Variants in GRIN2A observed in about 807,000 individuals in gnomAD.
The protein encoded by GRIN2A is glutamate ionotropic receptor NMDA type subunit 2A.
In GRIN2A, 22 loss-of-function variants were observed where a neutral mutation model predicts 113.4. That is an observed-to-expected ratio of 0.19 (90% CI 0.14 to 0.28). GRIN2A has a LOEUF of 0.28. Ranked by LOEUF, GRIN2A falls within the 10% of genes least tolerant of loss-of-function variation. GRIN2A has a pLI of 1.00. For missense variants in GRIN2A, 1,502 were observed against 1,887.0 expected, an observed-to-expected ratio of 0.80 and a Z score of 3.78; for synonymous variants, 827 against 738.4, an observed-to-expected ratio of 1.12 and a Z score of -1.94.
At chr16:9,980,860 G>T in intron 2 of GRIN2A, among the ~76,000 whole-genome samples, 1 of 110,434 alleles carries the variant, frequency 9.1e-6, no homozygotes, top group Non-Finnish European at 1.8e-5. Context: ...AGGGGGGAGG[G>T]ACAGCATTAG....
At chr16:10,121,843 C>T (rs1172392611) in intron 2 of GRIN2A, among the ~76,000 whole-genome samples, 1 of 152,042 alleles carries the variant, frequency 6.6e-6, no homozygotes, top group Non-Finnish European at 1.5e-5. Context: ...TAGCACTGGC[C>T]TTGGCTAATT....
chr16:9,821,603 C>G (rs1175234832), intron 10 of GRIN2A, among the ~76,000 whole-genome samples: 1 of 152,180 alleles, frequency 6.6e-6, no homozygotes, highest in Non-Finnish European at 1.5e-5. Context: ...ATCAGATTTT[C>G]TCTCTTAGGT....
Position 9,764,582 on chromosome 16 carries a change from G to A in GRIN2A, c.2962C>T (p.Leu988Phe), listed in dbSNP as rs2141135688. The change falls in exon 13 of 13, where the codon CTC (leucine) becomes TTC (phenylalanine). Residue 988 changes from leucine to phenylalanine, a missense_variant. Transcript: ENST00000330684. ...YVFQGQHPLT[L>F]NESNPNTVEV... ...ACCGTGTTAGGGTTGGACTCATTGAGAGTAAGAGGATGTTGTCCCTGGAAT... is the reference window on the plus strand; with the variant it reads ...ACCGTGTTAGGGTTGGACTCATTGAAAGTAAGAGGATGTTGTCCCTGGAAT... 1 of 1,614,016 alleles carries A rather than the reference G, an allele frequency of 6.2e-7. No individual in the cohort carries two copies. Among genetic ancestry groups the A allele is most frequent in the East Asian group, 2.2e-5 (1 of 44,884 alleles).
intron 3 of GRIN2A, among the ~76,000 whole-genome samples, chr16:9,922,095 C>T (rs145602060): frequency 2.6e-5 from 4 of 151,914 alleles, no homozygotes; most frequent in South Asian, 2.1e-4. Context: ...ACTCATTTGC[C>T]GTCTAATCTT....
At chr16:10,038,680 AT>A (rs1458407240) in intron 2 of GRIN2A, among the ~76,000 whole-genome samples, 1 of 144,422 alleles carries the variant, frequency 6.9e-6, no homozygotes, top group Non-Finnish European at 1.5e-5. Context: ...TGTCTCTACT[AT>A]AAAAAACACA....
chr16:10,100,308 T>G (rs1406075251), intron 2 of GRIN2A, among the ~76,000 whole-genome samples: 3 of 152,086 alleles, frequency 2.0e-5, no homozygotes, highest in Non-Finnish European at 4.4e-5. Context: ...CTGGCTTCAG[T>G]AGAGAGGATA....
At chr16:10,048,928 G>A (rs1009756112) in intron 2 of GRIN2A, among the ~76,000 whole-genome samples, 1 of 152,192 alleles carries the variant, frequency 6.6e-6, no homozygotes, top group African/African-American at 2.4e-5. Context: ...CTGACGTGGA[G>A]GAAGGAGCCG....
intron 2 of GRIN2A, among the ~76,000 whole-genome samples, chr16:10,039,719 GC>G (rs1173720908): frequency 1.4e-5 from 2 of 145,956 alleles, no homozygotes; most frequent in African/African-American, 2.5e-5. Context: ...CTGGGCAGAA[GC>G]CCCCTCCCTC....
chr16:9,824,592 T>A (rs1284461795), intron 9 of GRIN2A, among the ~76,000 whole-genome samples: 1 of 152,206 alleles, frequency 6.6e-6, no homozygotes, highest in South Asian at 2.1e-4. Flanking sequence ...TTCTCTGGCC[T>A]GGATAGTACC....
At chr16:10,040,572 TCA>T (rs112132209) in intron 2 of GRIN2A, among the ~76,000 whole-genome samples, 93,073 of 149,870 alleles carry the variant, frequency 0.62, 29,104 homozygotes, top group East Asian at 0.94. Context: ...ACCCACATAT[TCA>T]CACACACACA....
intron 2 of GRIN2A, among the ~76,000 whole-genome samples, chr16:10,173,280 G>A (rs770880732): frequency 6.6e-6 from 1 of 152,198 alleles, no homozygotes; most frequent in African/African-American, 2.4e-5. Flanking sequence ...CTTTTCGAGA[G>A]CTCTCAGTGT....
At chr16:10,118,426 C>G (rs2142171247) in intron 2 of GRIN2A, among the ~76,000 whole-genome samples, 1 of 152,228 alleles carries the variant, frequency 6.6e-6, no homozygotes, top group Middle Eastern at 3.4e-3. Flanking sequence ...GTGGGTACAG[C>G]TCTACAAGCA....
intron 2 of GRIN2A, among the ~76,000 whole-genome samples, chr16:10,127,705 A>T (rs1279026581): frequency 6.6e-6 from 1 of 152,228 alleles, no homozygotes; most frequent in Non-Finnish European, 1.5e-5. Context: ...TATTTGTGGA[A>T]TTGATGGATG....
chr16:10,101,383 C>T (rs1250969225), intron 2 of GRIN2A, among the ~76,000 whole-genome samples: 5 of 152,180 alleles, frequency 3.3e-5, no homozygotes, highest in African/African-American at 1.2e-4. Context: ...GAAGCGTATA[C>T]AAGAACCAGG....
At chr16:9,813,903 G>A (rs1596454978) in intron 10 of GRIN2A, among the ~76,000 whole-genome samples, 2 of 152,214 alleles carry the variant, frequency 1.3e-5, no homozygotes, top group East Asian at 1.9e-4. Context: ...GTCTATGCCC[G>A]CTTTCGAATT....
intron 2 of GRIN2A, among the ~76,000 whole-genome samples, chr16:10,086,588 AG>A (rs2048088961): frequency 1.5e-5 from 2 of 131,604 alleles, no homozygotes; most frequent in African/African-American, 2.8e-5. Context: ...GCACCATACC[AG>A]GGGGTGGAGC....
In GRIN2A at chr16:9,994,855, T is replaced by C. The variant is rs149692651; in HGVS notation, c.415-56304A>G. On this transcript the variant is annotated intron_variant, in intron 2 of 12. Transcript: ENST00000330684. ...TATGGTAATTAGAGGTATTCCTGGC[T>C]GGGATCTTGATGATGGTGAATAAGC... Among the ~76,000 whole-genome samples, 224 of 152,324 alleles carry C rather than the reference T, an allele frequency of 1.5e-3. 3 individuals carry two copies. Among genetic ancestry groups the C allele is most frequent in the African/African-American group, 5.3e-3 (219 of 41,576 alleles).
At chr16:9,788,293 G>C in intron 11 of GRIN2A, among the ~76,000 whole-genome samples, 1 of 150,014 alleles carries the variant, frequency 6.7e-6, no homozygotes, top group Non-Finnish European at 1.5e-5. Flanking sequence ...GTCTTGCTCT[G>C]TTGCCCAGGC....
chr16:10,058,801 T>C (rs1419172050), intron 2 of GRIN2A, among the ~76,000 whole-genome samples: 1 of 152,218 alleles, frequency 6.6e-6, no homozygotes, highest in Non-Finnish European at 1.5e-5. Flanking sequence ...CCTGACAATA[T>C]GGTTAGTGCT....
Sources: allele counts gnomAD v4.1 joint callset (sites outside exome capture counted in the v4.1 genomes callset), GRCh38; gene constraint gnomAD v4.1.1; transcripts MANE v1.5; gene names NCBI Gene and HGNC (gene_info 2026-07-23, HGNC 2026-07-21).